CCDC171: variants seen among roughly 807,000 people sequenced by gnomAD.
CCDC171 encodes the protein coiled-coil domain containing 171.
CCDC171 carries 177 observed loss-of-function variants against 168.2 expected under a neutral mutation model. The observed-to-expected ratio is 1.05, with a 90% CI of 0.93 to 1.19. CCDC171 has a LOEUF of 1.19. Among genes scored for constraint, CCDC171 ranks in the 50% most tolerant of loss-of-function variants. CCDC171 has a pLI of 0.00. For missense variants in CCDC171, 1,991 were observed against 1,539.0 expected (o/e 1.29, Z -4.91); for synonymous variants, 687 against 540.8 (o/e 1.27, Z -3.75).
intron 25 of CCDC171, among the ~76,000 whole-genome samples, chr9:15,927,983 C>G (rs1330878832): frequency 2.6e-5 from 4 of 151,534 alleles, no homozygotes; most frequent in African/African-American, 7.3e-5. Context: ...AGCTGTTAGC[C>G]TTGACAATTT....
intron 11 of CCDC171, among the ~76,000 whole-genome samples, chr9:15,706,782 TGAG>T (rs1404842823): frequency 1.3e-5 from 2 of 152,178 alleles, no homozygotes; most frequent in Non-Finnish European, 2.9e-5. Flanking sequence ...CAGCTTTCCT[TGAG>T]GAAATAATTT....
rs184841793 is a variant in CCDC171, at chr9:15,648,218, C to T, written c.823-8909C>T. 8.6e-3 allele frequency among the ~76,000 whole-genome samples: 1,314 copies of T among 152,272 alleles called. 10 individuals carry two copies. Among genetic ancestry groups the T allele is most frequent in the Non-Finnish European group, 0.014 (968 of 68,036 alleles). On this transcript the variant is annotated intron_variant, in intron 7 of 25. Coordinates refer to ENST00000380701, the MANE Select transcript of CCDC171 (RefSeq NM_173550.4). ...AACAGCCCTTCATGCTAAAAACTCT[C>T]AATAAATTAGGTATTGATGGGACGT...
chr9:15,693,746 C>T (rs1366493830), intron 10 of CCDC171, among the ~76,000 whole-genome samples: 5 of 152,096 alleles, frequency 3.3e-5, no homozygotes, highest in Non-Finnish European at 7.4e-5. Context: ...TTTTCTGTAT[C>T]TATAAACATA....
chr9:15,813,686 G>A (rs1232249944), intron 21 of CCDC171, among the ~76,000 whole-genome samples: 1 of 151,646 alleles, frequency 6.6e-6, no homozygotes, highest in East Asian at 1.9e-4. Flanking sequence ...TCCAGAACAT[G>A]GGCTAGAGAT....
the CCDC171 span, among the ~76,000 whole-genome samples, chr9:16,074,404 C>G: frequency 6.6e-6 from 1 of 152,160 alleles, no homozygotes; most frequent in Admixed American, 6.5e-5. Flanking sequence ...AGAAGTTGGG[C>G]TAATTTCCTA....
At chr9:15,600,296 A>C (rs959885189) in intron 6 of CCDC171, among the ~76,000 whole-genome samples, 1 of 151,992 alleles carries the variant, frequency 6.6e-6, no homozygotes, top group African/African-American at 2.4e-5. Context: ...GATGATGGTG[A>C]TGTACAGATG....
chr9:15,902,006 A>AAAAAAG (rs1236832506), intron 24 of CCDC171, among the ~76,000 whole-genome samples: 1 of 152,154 alleles, frequency 6.6e-6, no homozygotes, highest in African/African-American at 2.4e-5. Context: ...ATTTTCTTTC[A>AAAAAAG]AAAAAGATGA....
rs556586985 is a variant in CCDC171, at chr9:15,805,232, C to G, written c.3267+20538C>G. ...TGATCTTTTGAATGGTTTTTCCTGT[C>G]TCTATCTCCTTCAGTTAAACTCTGA... is the stretch of plus-strand genomic sequence containing the variant. On this transcript the variant is annotated intron_variant, in intron 21 of 25. Coordinates refer to ENST00000380701, the MANE Select transcript of CCDC171 (RefSeq NM_173550.4). Among the ~76,000 whole-genome samples, 206 of 152,090 alleles carry G rather than the reference C, an allele frequency of 1.4e-3. 1 individual carries two copies. Among genetic ancestry groups the G allele is most frequent in the African/African-American group, 4.9e-3 (202 of 41,522 alleles).
intron 21 of CCDC171, among the ~76,000 whole-genome samples, chr9:15,823,912 G>C (rs953172637): frequency 7.9e-5 from 12 of 152,082 alleles, no homozygotes; most frequent in African/African-American, 2.9e-4. Flanking sequence ...TTTTAGGTAA[G>C]TTTTAGAATA....
At chr9:15,950,076 A>T (rs566677681) in intron 25 of CCDC171, among the ~76,000 whole-genome samples, 1 of 152,276 alleles carries the variant, frequency 6.6e-6, no homozygotes, top group South Asian at 2.1e-4. Context: ...GTTTAGACGA[A>T]AAAGAATAAA....
In CCDC171 at chr9:15,784,562, A is replaced by G. The variant is rs55780067; in HGVS notation, c.3135A>G (p.Ala1045=). ...FESACEELNN[A]LLREEQAQML... is the part of the protein sequence containing the mutation. ...GTGCATGTGAAGAACTAAATAATGC[A>G]TTACTTCGGGAAGAGCAGGCACAAA... Residue 1045 remains alanine, a synonymous_variant, in exon 21 of 26, where the codon GCA becomes GCG. Transcript: ENST00000380701. 0.046 allele frequency: 74,221 copies of G among 1,613,288 alleles called. 1,938 individuals are homozygous for G. Among genetic ancestry groups the G allele is most frequent in the South Asian group, 0.069 (6,247 of 91,022 alleles).
chr9:15,684,432 T>C (rs1242442181), intron 10 of CCDC171, among the ~76,000 whole-genome samples: 2 of 152,142 alleles, frequency 1.3e-5, no homozygotes, highest in African/African-American at 4.8e-5. Flanking sequence ...ATGGTTTTTA[T>C]TGTTATTTAT....
intron 18 of CCDC171, among the ~76,000 whole-genome samples, chr9:15,766,831 G>T (rs945549445): frequency 1.3e-5 from 2 of 151,876 alleles, no homozygotes; most frequent in Admixed American, 6.6e-5. Context: ...GATTTCTAAG[G>T]TTTGTTTTTT....
chr9:15,812,618 A>T (rs911844842), intron 21 of CCDC171, among the ~76,000 whole-genome samples: 2 of 152,212 alleles, frequency 1.3e-5, no homozygotes, highest in Non-Finnish European at 2.9e-5. Flanking sequence ...TAAAGGATAA[A>T]GAAGAACCTC....
chr9:15,631,712 A>T (rs1021337086), intron 7 of CCDC171, among the ~76,000 whole-genome samples: 3 of 151,986 alleles, frequency 2.0e-5, no homozygotes, highest in Admixed American at 2.0e-4. Context: ...GCAGAGACAC[A>T]ACCAAAAAAG....
At chr9:15,785,415 G>A (rs571487025) in intron 21 of CCDC171, among the ~76,000 whole-genome samples, 1 of 151,966 alleles carries the variant, frequency 6.6e-6, no homozygotes, top group Non-Finnish European at 1.5e-5. Flanking sequence ...CTCAGAGTTG[G>A]TATTAACTTA....
At chr9:15,599,648 A>C (rs1398294582) in intron 6 of CCDC171, among the ~76,000 whole-genome samples, 1 of 151,944 alleles carries the variant, frequency 6.6e-6, no homozygotes, top group Non-Finnish European at 1.5e-5. Context: ...CCTTTCGAGG[A>C]GTATCTTTGT....
At chr9:15,738,805 A>T (rs568640396) in intron 16 of CCDC171, among the ~76,000 whole-genome samples, 2 of 152,214 alleles carry the variant, frequency 1.3e-5, no homozygotes, top group South Asian at 2.1e-4. Flanking sequence ...ACATTTGGAA[A>T]TTTTGTTTTT....
chr9:15,790,851 G>C (rs1202128879), intron 21 of CCDC171, among the ~76,000 whole-genome samples: 1 of 152,142 alleles, frequency 6.6e-6, no homozygotes, highest in Non-Finnish European at 1.5e-5. Context: ...TATTAAACAG[G>C]GAATCCTTTC....
Sources: allele counts gnomAD v4.1 joint callset (sites outside exome capture counted in the v4.1 genomes callset), GRCh38; gene constraint gnomAD v4.1.1; transcripts MANE v1.5; gene names NCBI Gene and HGNC (gene_info 2026-07-23, HGNC 2026-07-21).